Variants in FOXP2 observed in about 807,000 individuals in gnomAD.
The protein encoded by FOXP2 is forkhead box protein P2.
In FOXP2, 12 loss-of-function variants were observed where a neutral mutation model predicts 115.8. That is an observed-to-expected ratio of 0.10 (90% CI 0.07 to 0.17). FOXP2 has a LOEUF of 0.17. FOXP2 is among the 10% of genes least tolerant of loss of function. FOXP2 has a pLI of 1.00. For synonymous variants in FOXP2, 328 were observed against 297.7 expected (o/e 1.10, Z -1.05); for missense variants, 629 against 843.5 (o/e 0.75, Z 3.15).
chr7:114,305,152 A>T (rs1395901745), intron 2 of FOXP2, among the ~76,000 whole-genome samples: 1 of 152,134 alleles, frequency 6.6e-6, no homozygotes, highest in African/African-American at 2.4e-5. Context: ...TATGATCATT[A>T]TTCATCTCAT....
In FOXP2 at chr7:114,563,861, A is replaced by G. The variant is rs544696363; in HGVS notation, c.258+29155A>G. Among the ~76,000 whole-genome samples, 63 of 151,578 alleles carry G rather than the reference A, an allele frequency of 4.2e-4. 1 individual carries two copies. Among genetic ancestry groups the G allele is most frequent in the Middle Eastern group, 6.9e-3 (2 of 290 alleles). On this transcript the variant is annotated intron_variant, in intron 3 of 16. Transcript: ENST00000350908. ...CTAGTGGCATCACAGTCTGCTTCCA[A>G]CGTCCCTTATCCTTTACTCTCTCAC...
intron 1 of FOXP2, among the ~76,000 whole-genome samples, chr7:114,241,517 T>C (rs754433103): frequency 6.6e-6 from 1 of 152,094 alleles, no homozygotes; most frequent in Non-Finnish European, 1.5e-5. Flanking sequence ...TAGAAAGCTC[T>C]ACAGATGATA....
intron 2 of FOXP2, among the ~76,000 whole-genome samples, chr7:114,350,640 G>C (rs947001936): frequency 6.6e-6 from 1 of 151,988 alleles, no homozygotes; most frequent in African/African-American, 2.4e-5. Context: ...TAATTTCAGA[G>C]ACCAGTAGCA....
intron 2 of FOXP2, among the ~76,000 whole-genome samples, chr7:114,467,137 G>C (rs1372144180): frequency 2.0e-5 from 3 of 152,096 alleles, no homozygotes; most frequent in African/African-American, 7.2e-5. Flanking sequence ...GACCTCCACT[G>C]TTTATTTAGC....
chr7:114,375,152 A>G (rs1343812955), intron 2 of FOXP2, among the ~76,000 whole-genome samples: 1 of 152,240 alleles, frequency 6.6e-6, no homozygotes, highest in East Asian at 1.9e-4. Flanking sequence ...ATAGCCAAAT[A>G]GGAAGCCTAT....
At chr7:114,401,603 G>A (rs767747593) in intron 2 of FOXP2, among the ~76,000 whole-genome samples, 36 of 152,202 alleles carry the variant, frequency 2.4e-4, no homozygotes, top group Non-Finnish European at 4.7e-4. Flanking sequence ...TCAGTTTGGC[G>A]ATTTATTTTT....
At chr7:114,642,839 T>C in intron 7 of FOXP2, among the ~76,000 whole-genome samples, 1 of 133,358 alleles carries the variant, frequency 7.5e-6, no homozygotes, top group South Asian at 2.5e-4. Context: ...GGCAGAGTCT[T>C]GCTCTGTCAC....
intron 2 of FOXP2, among the ~76,000 whole-genome samples, chr7:114,291,935 AATATATATTATAGATAATATATAG>A (rs1796609153): frequency 7.4e-6 from 1 of 134,302 alleles, no homozygotes; most frequent in African/African-American, 2.8e-5. Flanking sequence ...TAATATATAG[AATATATATTATAGATAATATATAG>A]AATATATATT....
intron 1 of FOXP2, among the ~76,000 whole-genome samples, chr7:114,208,685 G>C (rs940638176): frequency 6.6e-6 from 1 of 151,900 alleles, no homozygotes; most frequent in African/African-American, 2.4e-5. Context: ...TTGAATCATG[G>C]GGTCAGTCTT....
rs79727320 is a variant in FOXP2 at position 114,339,496 on chromosome 7, G to A, written c.-11+51387G>A. Among the ~76,000 whole-genome samples, 1,159 of 150,780 alleles carry A rather than the reference G, an allele frequency of 7.7e-3. 23 individuals are homozygous for A. Among genetic ancestry groups the A allele is most frequent in the African/African-American group, 0.027 (1,106 of 41,334 alleles). ...TGGTAGAAATTACCCTTTTTCTTTC[G>A]TATGTTTAGTTTTACTGTTTGGATT... is the stretch of plus-strand genomic sequence containing the variant. On this transcript the variant is annotated intron_variant, in intron 2 of 17. Transcript: ENST00000634411.
At chr7:114,491,301 C>G (rs1403767151) in intron 2 of FOXP2, among the ~76,000 whole-genome samples, 2 of 152,186 alleles carry the variant, frequency 1.3e-5, no homozygotes, top group African/African-American at 4.8e-5. Flanking sequence ...GCATAAATGT[C>G]TTCTTTGGAG....
At chr7:114,332,764 G>A (rs1274844537) in intron 2 of FOXP2, among the ~76,000 whole-genome samples, 2 of 152,072 alleles carry the variant, frequency 1.3e-5, no homozygotes, top group African/African-American at 4.8e-5. Context: ...TAGAGTTCTG[G>A]GATTTGTTAA....
At chr7:114,389,390 A>T (rs902760096) in intron 2 of FOXP2, among the ~76,000 whole-genome samples, 1 of 152,190 alleles carries the variant, frequency 6.6e-6, no homozygotes, top group African/African-American at 2.4e-5. Flanking sequence ...GCCTTAAAGA[A>T]ATGTTATTCC....
At chr7:114,336,637 A>G (rs545772945) in intron 2 of FOXP2, among the ~76,000 whole-genome samples, 1 of 151,692 alleles carries the variant, frequency 6.6e-6, no homozygotes, top group East Asian at 1.9e-4. Flanking sequence ...GACAGTTTGC[A>G]TAATACTTTT....
intron 2 of FOXP2, among the ~76,000 whole-genome samples, chr7:114,301,263 G>T (rs977249568): frequency 3.3e-5 from 5 of 151,940 alleles, no homozygotes; most frequent in African/African-American, 4.8e-5. Context: ...TGAACTCCTG[G>T]AAAGTTCATT....
At chr7:114,222,579 T>C (rs977124569) in intron 1 of FOXP2, among the ~76,000 whole-genome samples, 1 of 152,246 alleles carries the variant, frequency 6.6e-6, no homozygotes, top group Non-Finnish European at 1.5e-5. Context: ...CTCTTCACTT[T>C]CTGTGGTTTG....
chr7:114,253,141 A>T (rs565947962), intron 1 of FOXP2, among the ~76,000 whole-genome samples: 1 of 152,220 alleles, frequency 6.6e-6, no homozygotes, highest in Admixed American at 6.5e-5. Context: ...GTTTGATTGC[A>T]TTGTGGTCTG....
chr7:114,105,880 TC>T (rs756842014), intron 1 of FOXP2, among the ~76,000 whole-genome samples: 1 of 152,088 alleles, frequency 6.6e-6, no homozygotes, highest in South Asian at 2.1e-4. Flanking sequence ...GTCTGCCTCT[TC>T]CTGGTCTAGT....
In FOXP2 at chr7:114,628,881, C is replaced by T. The variant is rs1263281978; in HGVS notation, c.396+204C>T. 5.1e-6 allele frequency: 3 copies of T among 593,992 alleles called. No individual in the cohort carries two copies. In the Admixed American group the frequency reaches 9.0e-5, roughly 18 times the overall value. The allele number at this position is 593,992 out of a possible 1,614,324, so 36.8% of individuals were successfully genotyped here. On this transcript the variant is annotated intron_variant, in intron 4 of 16. Transcript: ENST00000350908. Reference sequence around the variant, plus strand: ...ATTTTTTTAAAAAAATTATTAAAGTCTAGAATAAGAGCAGAGAGAGGTGTA... The same window carrying T: ...ATTTTTTTAAAAAAATTATTAAAGTTTAGAATAAGAGCAGAGAGAGGTGTA...
Sources: gnomAD v4.1 joint callset for allele counts (sites outside exome capture counted in the v4.1 genomes callset) on GRCh38, gnomAD v4.1.1 for gene constraint, MANE v1.5 for transcripts, NCBI Gene and HGNC (gene_info 2026-07-23, HGNC 2026-07-21) for gene names.